SNAP23: variants seen among roughly 807,000 people sequenced by gnomAD.
SNAP23 encodes synaptosomal-associated protein 23.
A neutral mutation model predicts 29.0 loss-of-function variants in SNAP23; 11 were observed. That is an observed-to-expected ratio of 0.38 (90% CI 0.24 to 0.63). The LOEUF is 0.63. Among genes scored for constraint, SNAP23 ranks in the 20% least tolerant of loss-of-function variants. The pLI, the probability that SNAP23 is intolerant of heterozygous loss-of-function variation, is 0.58. For missense variants in SNAP23, 220 were observed against 253.9 expected (o/e 0.87, Z 0.91); for synonymous variants, 60 against 82.9 (o/e 0.72, Z 1.50).
rs561162772 is a variant in SNAP23 at position 42,527,766 on chromosome 15, G to C, written c.267-496G>C. The stretch of plus-strand genomic sequence containing the variant: ...CTCCCAAAGTGCTGGGAGTACAGGC[G>C]TGAGCCACTGCACCCAGCATCAGCC... On this transcript the variant is annotated intron_variant, in intron 5 of 7. Coordinates refer to ENST00000249647, the MANE Select transcript of SNAP23 (RefSeq NM_003825.4). Among the ~76,000 whole-genome samples, 3 of 151,988 alleles carry C rather than the reference G, an allele frequency of 2.0e-5. No individual in the cohort carries two copies. In the East Asian group the frequency reaches 5.9e-4, roughly 30 times the overall value.
chr15:42,506,012 C>G (rs868419081), intron 1 of SNAP23, among the ~76,000 whole-genome samples: 8 of 146,066 alleles, frequency 5.5e-5, no homozygotes, highest in African/African-American at 2.0e-4. Context: ...GTGGCATGAT[C>G]TCGACTAACT....
chr15:42,528,099 A>G (rs2057520672), intron 5 of SNAP23, 163 bp from the exon 6 acceptor site: 2 of 568,986 alleles, frequency 3.5e-6, no homozygotes, highest in Non-Finnish European at 6.1e-6. Flanking sequence ...TCTATTTCCT[A>G]TTCCATATTG....
chr15:42,528,532 C>T (rs1314474647), intron 6 of SNAP23, 112 bp downstream of exon 6: 5 of 1,083,308 alleles, frequency 4.6e-6, no homozygotes, highest in East Asian at 5.1e-5. Flanking sequence ...TGTATTTATT[C>T]CATTTTTAAA....
chr15:42,512,888 T>G, intron 2 of SNAP23, 67 bp from the exon 3 acceptor site: 2 of 1,198,612 alleles, frequency 1.7e-6, no homozygotes, highest in Non-Finnish European at 1.2e-6. Flanking sequence ...GCATCATGAA[T>G]TTGGCCTGTG....
At chr15:42,514,377 A>G (rs192673306) in intron 4 of SNAP23, among the ~76,000 whole-genome samples, 150 of 152,074 alleles carry the variant, frequency 9.9e-4, no homozygotes, top group African/African-American at 3.5e-3. Context: ...CTTGACTTCA[A>G]GAGTCACTTG....
At chr15:42,498,014 G>T (rs1053461555) in intron 1 of SNAP23, among the ~76,000 whole-genome samples, 1 of 152,182 alleles carries the variant, frequency 6.6e-6, no homozygotes, top group Non-Finnish European at 1.5e-5. Context: ...GATGCCAAGG[G>T]TGGGCTCCCA....
intron 5 of SNAP23, among the ~76,000 whole-genome samples, chr15:42,519,460 T>G (rs1410439084): frequency 6.6e-6 from 1 of 151,734 alleles, no homozygotes; most frequent in African/African-American, 2.4e-5. Context: ...CAACCTTCGC[T>G]TCCTGGGTTC....
rs971695344 is a variant in SNAP23, at chr15:42,528,497, G to T, written c.425+77G>T. ...TTAGGAGATGAGTTTAGCAGTACATGACCCCTAATAAAACAAATAAAAATT... is the reference window on the plus strand; with the variant it reads ...TTAGGAGATGAGTTTAGCAGTACATTACCCCTAATAAAACAAATAAAAATT... On this transcript the variant is annotated intron_variant, in intron 6 of 7. Transcript: ENST00000249647. The T allele has an allele frequency of 6.8e-6, 9 of 1,325,188 alleles. No homozygotes were observed. In the African/African-American group the frequency reaches 1.3e-4, roughly 20 times the overall value. 82.1% of individuals were successfully genotyped at this position (1,325,188 alleles called of 1,614,324 possible). A position where few individuals can be genotyped will look rare whatever the true frequency, so the allele number is the denominator to read the frequency against.
chr15:42,500,628 G>C (rs2057261635), intron 1 of SNAP23, among the ~76,000 whole-genome samples: 1 of 152,016 alleles, frequency 6.6e-6, no homozygotes, highest in South Asian at 2.1e-4. Context: ...GACCTCAGAT[G>C]ATCTGCCTGC....
At chr15:42,492,796 G>C (rs2141487339), upstream of SNAP23, 1 of 151,922 alleles carries the variant, frequency 6.6e-6, no homozygotes, top group African/African-American at 2.4e-5. Context: ...CCGTGTTTGT[G>C]ACATCACAAG....
chr15:42,500,059 G>A (rs538740426), intron 1 of SNAP23, among the ~76,000 whole-genome samples: 3 of 152,290 alleles, frequency 2.0e-5, no homozygotes, highest in South Asian at 4.1e-4. Flanking sequence ...GTGGAGGATC[G>A]CTTGAGCCTG....
chr15:42,515,426 C>A, intron 5 of SNAP23, 72 bp downstream of exon 5: 2 of 875,916 alleles, frequency 2.3e-6, no homozygotes, highest in Admixed American at 2.2e-5. Flanking sequence ...CAGCTAAGGT[C>A]AGAAGTATGA....
intron 5 of SNAP23, among the ~76,000 whole-genome samples, chr15:42,522,406 G>A (rs1219746754): frequency 6.6e-6 from 1 of 151,986 alleles, no homozygotes; most frequent in African/African-American, 2.4e-5. Flanking sequence ...TTTCATGGGA[G>A]GTAAGTTTTG....
rs1595533979 is a variant in SNAP23 at position 42,531,682 on chromosome 15, C to A, written c.*204C>A. The A allele has an allele frequency of 4.6e-6, 2 of 436,814 alleles. No individual in the cohort carries two copies. Among genetic ancestry groups the A allele is most frequent in the East Asian group, 7.2e-5 (2 of 27,780 alleles). 27.1% of individuals were successfully genotyped at this position (436,814 alleles called of 1,614,324 possible). A position where few individuals can be genotyped will look rare whatever the true frequency, so the allele number is the denominator to read the frequency against. On this transcript the variant is annotated 3_prime_UTR_variant, in exon 8 of 8. Coordinates refer to ENST00000249647, the MANE Select transcript of SNAP23 (RefSeq NM_003825.4). ...TGCTCTGCCTTCCTTCTAGTATTTTCTTTCTCAATTCATACGCTTAGATTG... is the reference window on the plus strand; with the variant it reads ...TGCTCTGCCTTCCTTCTAGTATTTTATTTCTCAATTCATACGCTTAGATTG...
chr15:42,507,209 G>A (rs1397964346), intron 1 of SNAP23, among the ~76,000 whole-genome samples: 1 of 152,120 alleles, frequency 6.6e-6, no homozygotes, highest in Non-Finnish European at 1.5e-5. Context: ...TGACACAGCC[G>A]CCTTGGGTAA....
At chr15:42,520,677 G>A (rs2057440752) in intron 5 of SNAP23, among the ~76,000 whole-genome samples, 1 of 151,926 alleles carries the variant, frequency 6.6e-6, no homozygotes, top group Non-Finnish European at 1.5e-5. Flanking sequence ...TGTATTTTTA[G>A]TAGAGACGGG....
At chr15:42,497,534 G>A (rs188575604) in intron 1 of SNAP23, among the ~76,000 whole-genome samples, 232 of 151,794 alleles carry the variant, frequency 1.5e-3, no homozygotes, top group African/African-American at 5.4e-3. Context: ...TAGTAGAGAC[G>A]GGGTTTCACT....
At chr15:42,494,772 C>T (rs1011346795), upstream of SNAP23, among the ~76,000 whole-genome samples, 6 of 152,294 alleles carry the variant, frequency 3.9e-5, no homozygotes, top group East Asian at 9.6e-4. Context: ...GCTTCAGCCT[C>T]CCAAAGTGCT....
At chr15:42,522,306 G>A (rs1334176068) in intron 5 of SNAP23, among the ~76,000 whole-genome samples, 3 of 152,094 alleles carry the variant, frequency 2.0e-5, no homozygotes, top group Non-Finnish European at 4.4e-5. Flanking sequence ...CTCTACATAT[G>A]TTATAAACTA....
Sources: allele counts gnomAD v4.1 joint callset (sites outside exome capture counted in the v4.1 genomes callset), GRCh38; gene constraint gnomAD v4.1.1; transcripts MANE v1.5; gene names NCBI Gene and HGNC (gene_info 2026-07-23, HGNC 2026-07-21).